The following KYNU variants were observed in gnomAD, a reference collection of about 807,000 sequenced individuals.
KYNU encodes the protein L-kynurenine hydrolase.
A neutral mutation model predicts 59.2 loss-of-function variants in KYNU; 54 were observed. The observed-to-expected ratio is 0.91, with a 90% CI of 0.73 to 1.14. KYNU has a LOEUF of 1.14. Ranked by LOEUF, KYNU falls within the 50% of genes most tolerant of loss-of-function variation. KYNU has a pLI of 0.00. For synonymous variants in KYNU, 177 were observed against 192.0 expected, an observed-to-expected ratio of 0.92 and a Z score of 0.65; for missense variants, 567 against 554.4, an observed-to-expected ratio of 1.02 and a Z score of -0.23.
At chr2:142,953,256 A>G (rs149580063) in intron 4 of KYNU, among the ~76,000 whole-genome samples, 242 of 152,360 alleles carry the variant, frequency 1.6e-3, no homozygotes, top group Non-Finnish European at 2.7e-3. Context: ...ACTTATATGT[A>G]AAACATAGGG....
intron 4 of KYNU, among the ~76,000 whole-genome samples, chr2:142,940,326 A>T (rs985834478): frequency 2.6e-4 from 40 of 152,142 alleles, no homozygotes; most frequent in African/African-American, 9.2e-4. Context: ...TTTTGTTCTT[A>T]ATATTTATCA....
At chr2:142,951,257 A>C (rs1366607383) in intron 4 of KYNU, among the ~76,000 whole-genome samples, 1 of 152,250 alleles carries the variant, frequency 6.6e-6, no homozygotes, top group Admixed American at 6.5e-5. Context: ...TTAACAAACA[A>C]ACAAACAAAC....
At chr2:143,019,977 T>A (rs1004010280) in intron 10 of KYNU, among the ~76,000 whole-genome samples, 27 of 152,122 alleles carry the variant, frequency 1.8e-4, no homozygotes, top group South Asian at 8.3e-4. Context: ...GTTGTAATAT[T>A]CCCTTTTCAG....
chr2:142,932,610 T>C (rs974977682), intron 4 of KYNU, among the ~76,000 whole-genome samples: 1 of 152,120 alleles, frequency 6.6e-6, no homozygotes, highest in African/African-American at 2.4e-5. Context: ...CGAGTGTGAC[T>C]GTACTATATG....
intron 10 of KYNU, among the ~76,000 whole-genome samples, chr2:142,999,974 A>G (rs936282146): frequency 1.3e-5 from 2 of 152,170 alleles, no homozygotes; most frequent in Admixed American, 6.5e-5. Flanking sequence ...TTAGAATTTC[A>G]TTAAGATTGA....
At chr2:142,902,107 A>C (rs1194066392) in intron 2 of KYNU, among the ~76,000 whole-genome samples, 1 of 152,168 alleles carries the variant, frequency 6.6e-6, no homozygotes, top group Admixed American at 6.5e-5. Context: ...ACATCATGAG[A>C]TGTCCACACA....
chr2:143,028,848 C>CAAACAAAACAAAACA lies in KYNU; in HGVS notation c.903-760_903-746dup, dbSNP rs113934733. Among the ~76,000 whole-genome samples the CAAACAAAACAAAACA allele has an allele frequency of 3.4e-3, 502 of 149,820 alleles. 3 individuals are homozygous for CAAACAAAACAAAACA. Among genetic ancestry groups the CAAACAAAACAAAACA allele is most frequent in the Admixed American group, 0.019 (287 of 15,078 alleles). On this transcript the variant is annotated intron_variant, in intron 10 of 13. Coordinates refer to ENST00000264170, the MANE Select transcript of KYNU (RefSeq NM_003937.3). ...GGGCAACAAGAGCAAAACTCTGTCT[C>CAAACAAAACAAAACA]AAACAAAACAAAACAAAACAAAACA...
chr2:142,954,994 C>A, intron 5 of KYNU, 123 bp downstream of exon 5: 1 of 675,602 alleles, frequency 1.5e-6, no homozygotes, highest in Non-Finnish European at 2.6e-6. Flanking sequence ...AGGTTATTTT[C>A]ATTTTTACTA....
intron 1 of KYNU, chr2:142,881,381 C>A (rs1051753021): frequency 6.6e-6 from 1 of 152,126 alleles, no homozygotes; most frequent in Non-Finnish European, 1.5e-5. Flanking sequence ...AGACCATCGA[C>A]AGTTGAGAAA....
At chr2:142,950,543 G>T (rs1683954299) in intron 4 of KYNU, among the ~76,000 whole-genome samples, 1 of 151,512 alleles carries the variant, frequency 6.6e-6, no homozygotes, top group Non-Finnish European at 1.5e-5. Flanking sequence ...AAAACCATCA[G>T]ATCTCATGAG....
intron 4 of KYNU, among the ~76,000 whole-genome samples, chr2:142,939,453 T>G (rs552194702): frequency 6.6e-6 from 1 of 151,516 alleles, no homozygotes; most frequent in South Asian, 2.1e-4. Context: ...AATACAAAAA[T>G]TAGCCGGGCA....
chr2:142,947,650 A>T (rs1455353177), intron 4 of KYNU: 1 of 159,808 alleles, frequency 6.3e-6, no homozygotes, highest in Non-Finnish European at 1.4e-5. Flanking sequence ...CAAATGAGGG[A>T]TTATTCCAAA....
At chr2:142,889,750 T>C (rs1438266) in intron 2 of KYNU, among the ~76,000 whole-genome samples, 83,954 of 152,008 alleles carry the variant, frequency 0.55, 24,231 homozygotes, top group African/African-American at 0.7. Context: ...TAAAGCATGT[T>C]GGATTATTTT....
At chr2:142,950,308 A>G (rs1683944932) in intron 4 of KYNU, among the ~76,000 whole-genome samples, 1 of 152,186 alleles carries the variant, frequency 6.6e-6, no homozygotes, top group Non-Finnish European at 1.5e-5. Flanking sequence ...GCAATGTCCC[A>G]TTCTGCTGGT....
rs530294621 is a variant in KYNU at position 142,988,001 on chromosome 2, CAG to C, written c.902+1981_902+1982del. On this transcript the variant is annotated intron_variant, in intron 10 of 13. Coordinates refer to ENST00000264170, the MANE Select transcript of KYNU (RefSeq NM_003937.3). ...GGTTGTAAGTTTCCTGAGGCCTTCC[CAG>C]TCATGCTTCCTGCACAGCCTGCAAA... 5.3e-5 allele frequency among the ~76,000 whole-genome samples: 8 copies of C among 152,062 alleles called. No homozygotes were observed. In the South Asian group the frequency reaches 1.7e-3, roughly 31 times the overall value.
At chr2:142,967,120 C>T (rs998349154) in intron 8 of KYNU, among the ~76,000 whole-genome samples, 1 of 152,118 alleles carries the variant, frequency 6.6e-6, no homozygotes, top group Non-Finnish European at 1.5e-5. Flanking sequence ...TCTTTGTACT[C>T]CTCCATCCCT....
intron 2 of KYNU, among the ~76,000 whole-genome samples, chr2:142,892,549 T>C (rs566959030): frequency 6.6e-6 from 1 of 152,280 alleles, no homozygotes; most frequent in East Asian, 1.9e-4. Flanking sequence ...GGATGATTGG[T>C]ATAATAGGGT....
chr2:143,010,165 T>C (rs1372846567), intron 10 of KYNU, among the ~76,000 whole-genome samples: 2 of 134,088 alleles, frequency 1.5e-5, no homozygotes. Context: ...GAAAACCCCA[T>C]TGTCTCAGCC....
intron 10 of KYNU, chr2:142,988,719 A>G: frequency 1.3e-6 from 1 of 773,246 alleles, no homozygotes; most frequent in Non-Finnish European, 2.3e-6. Context: ...TTTTCTGTTT[A>G]TTGTTTTCTC....
Sources: allele counts gnomAD v4.1 joint callset (sites outside exome capture counted in the v4.1 genomes callset), GRCh38; gene constraint gnomAD v4.1.1; transcripts MANE v1.5; gene names NCBI Gene and HGNC (gene_info 2026-07-23, HGNC 2026-07-21).